Variants in CFAP54 observed in about 807,000 individuals in gnomAD.
The protein encoded by CFAP54 is cilia and flagella associated protein 54.
In CFAP54, 290 loss-of-function variants were observed where a neutral mutation model predicts 370.4. The observed-to-expected ratio is 0.78, with a 90% confidence interval of 0.71 to 0.86. The LOEUF (loss-of-function observed/expected upper bound fraction) is 0.86. Ranked by LOEUF, CFAP54 falls within the 40% of genes least tolerant of loss-of-function variation. CFAP54 has a pLI of 0.00. For synonymous variants in CFAP54, 1,206 were observed against 1,236.5 expected (o/e 0.98, Z 0.52); for missense variants, 3,399 against 3,528.7 (o/e 0.96, Z 0.93).
chr12:96,609,333 G>T (rs1291586626), intron 26 of CFAP54, among the ~76,000 whole-genome samples: 1 of 152,156 alleles, frequency 6.6e-6, no homozygotes, highest in Non-Finnish European at 1.5e-5. Flanking sequence ...CAAGGTAAAG[G>T]AGACAAATAA....
At chr12:96,748,664 TTATTCCA>T (rs2069893080) in intron 55 of CFAP54, among the ~76,000 whole-genome samples, 1 of 152,220 alleles carries the variant, frequency 6.6e-6, no homozygotes. Flanking sequence ...TTGTTAGAGA[TTATTCCA>T]TCATGTCTAG....
chr12:96,682,483 C>A, intron 40 of CFAP54: 2 of 196,224 alleles, frequency 1.0e-5, no homozygotes, highest in Non-Finnish European at 1.8e-5. Flanking sequence ...TCAATCCATC[C>A]TCCCACTTCA....
intron 14 of CFAP54, among the ~76,000 whole-genome samples, chr12:96,541,214 C>G (rs1327892463): frequency 6.6e-6 from 1 of 151,656 alleles, no homozygotes; most frequent in Admixed American, 6.6e-5. Context: ...TCTCATATTC[C>G]TTTTCTCTGT....
chr12:96,841,872 C>A (rs1378587367), intron 66 of CFAP54, among the ~76,000 whole-genome samples: 1 of 152,204 alleles, frequency 6.6e-6, no homozygotes, highest in Admixed American at 6.5e-5. Flanking sequence ...CAAGTTATTT[C>A]CCTAGGCGTC....
intron 63 of CFAP54, among the ~76,000 whole-genome samples, chr12:96,802,280 A>G (rs953808027): frequency 4.6e-5 from 7 of 151,918 alleles, no homozygotes; most frequent in African/African-American, 1.7e-4. Context: ...CCTGAGGGGG[A>G]CACCACCCCA....
In CFAP54 at chr12:96,756,486, A is replaced by G. The variant is rs767035400; in HGVS notation, c.7869A>G (p.Glu2623=). 5 of 1,602,224 alleles carry G rather than the reference A, an allele frequency of 3.1e-6. No homozygotes were observed. Among genetic ancestry groups the G allele is most frequent in the Middle Eastern group, 3.3e-4 (2 of 6,036 alleles). ...AAATAGAACGTCAAATACTAATGGA[A>G]GAGAAATCTCCAAGTTTTCAACTTG... ...KGKIERQILM[E]EKSPSFQLES... Residue 2623 remains glutamate, a synonymous_variant, in exon 57 of 68, where the codon GAA becomes GAG. Transcript: ENST00000524981.
intron 32 of CFAP54, 72 bp downstream of exon 32, chr12:96,630,723 C>T: frequency 3.3e-6 from 3 of 919,484 alleles, no homozygotes; most frequent in Non-Finnish European, 4.6e-6. Context: ...ATTTTGGGTA[C>T]TAGGGATACA....
chr12:96,515,412 C>A (rs1464982749), intron 5 of CFAP54, among the ~76,000 whole-genome samples: 7 of 152,122 alleles, frequency 4.6e-5, no homozygotes, highest in Admixed American at 4.6e-4. Flanking sequence ...CATTTGGCAC[C>A]TGAAGATCTG....
chr12:96,797,292 T>A (rs923895163), intron 63 of CFAP54, among the ~76,000 whole-genome samples: 9 of 152,268 alleles, frequency 5.9e-5, no homozygotes, highest in Middle Eastern at 3.4e-3. Flanking sequence ...AGAGAATATG[T>A]ACTCTTCAGT....
At chr12:96,767,643 G>C (rs948862526) in intron 60 of CFAP54, among the ~76,000 whole-genome samples, 9 of 152,102 alleles carry the variant, frequency 5.9e-5, no homozygotes, top group African/African-American at 2.2e-4. Context: ...CCTCACTTCA[G>C]TGTTGGGGTT....
chr12:96,767,688 TA>T (rs1209706421), intron 60 of CFAP54, among the ~76,000 whole-genome samples: 5 of 152,168 alleles, frequency 3.3e-5, no homozygotes. Flanking sequence ...TGGTTGCCAC[TA>T]ATACCCAGAT....
chr12:96,656,201 C>G (rs573031386), intron 36 of CFAP54, among the ~76,000 whole-genome samples: 2 of 152,274 alleles, frequency 1.3e-5, no homozygotes, highest in African/African-American at 4.8e-5. Flanking sequence ...ACCTCAATCT[C>G]CATATGCTAT....
intron 67 of CFAP54, among the ~76,000 whole-genome samples, chr12:96,874,203 C>G (rs1960233178): frequency 6.6e-6 from 1 of 152,138 alleles, no homozygotes; most frequent in African/African-American, 2.4e-5. Context: ...ATGGGTCCAG[C>G]TCCAAGCAGT....
intron 48 of CFAP54, among the ~76,000 whole-genome samples, chr12:96,714,254 T>G (rs1957648946): frequency 6.6e-6 from 1 of 152,126 alleles, no homozygotes; most frequent in East Asian, 1.9e-4. Context: ...GTCAAAAAGA[T>G]TTGAAAGGAA....
intron 66 of CFAP54, among the ~76,000 whole-genome samples, chr12:96,836,775 T>A (rs1959187457): frequency 6.6e-6 from 1 of 152,358 alleles, no homozygotes; most frequent in Non-Finnish European, 1.5e-5. Flanking sequence ...CATTCCATTT[T>A]ATATGGTTGA....
intron 50 of CFAP54, among the ~76,000 whole-genome samples, chr12:96,732,323 G>A (rs1358507768): frequency 6.6e-6 from 1 of 152,012 alleles, no homozygotes; most frequent in Non-Finnish European, 1.5e-5. Context: ...GTAGAGTTGG[G>A]GTTTCACCAT....
intron 4 of CFAP54, among the ~76,000 whole-genome samples, chr12:96,512,373 T>A (rs1955182968): frequency 8.9e-6 from 1 of 111,854 alleles, no homozygotes; most frequent in Non-Finnish European, 1.9e-5. Flanking sequence ...GATGGAGTCT[T>A]GCTCTGTCGC....
intron 19 of CFAP54, chr12:96,572,758 C>T (rs1955935142): frequency 1.8e-6 from 1 of 566,470 alleles, no homozygotes. Flanking sequence ...TGTTCAAGCT[C>T]CACTCCTGGA....
chr12:96,679,473 C>A, intron 39 of CFAP54, 127 bp from the exon 40 acceptor site: 1 of 928,738 alleles, frequency 1.1e-6, no homozygotes. Flanking sequence ...TGCTGCAGAT[C>A]TGGGGGCTTT....
Sources: gnomAD v4.1 joint callset for allele counts (sites outside exome capture counted in the v4.1 genomes callset) on GRCh38, gnomAD v4.1.1 for gene constraint, MANE v1.5 for transcripts, NCBI Gene and HGNC (gene_info 2026-07-23, HGNC 2026-07-21) for gene names.